BLOC1S3: variants seen among roughly 807,000 people sequenced by gnomAD.
The protein encoded by BLOC1S3 is biogenesis of lysosome-related organelles complex 1 subunit 3.
Under a neutral mutation model 9.1 loss-of-function variants are expected in BLOC1S3, and 7 were observed. The ratio of observed to expected loss-of-function variants is 0.77; its 90% CI spans 0.44 to 1.45. The LOEUF (loss-of-function observed/expected upper bound fraction) is 1.45, where lower values mean the gene tolerates loss of function less well. Ranked by LOEUF, BLOC1S3 falls within the 40% of genes most tolerant of loss-of-function variation. The pLI is 0.01. For synonymous variants in BLOC1S3, 145 were observed against 158.4 expected (o/e 0.92, Z 0.64); for missense variants, 307 against 315.2 (o/e 0.97, Z 0.20).
Position 45,179,313 on chromosome 19 carries a change from G to A in BLOC1S3, c.17G>A (p.Arg6His), listed in dbSNP as rs145609489. MASQG[R>H]RRRPLRRPET... ...TTCGGTGCCATGGCGTCCCAGGGTC[G>A]TCGGCGGAGGCCCCTGCGGAGGCCG... Residue 6 changes from arginine to histidine, a missense_variant, in exon 2 of 2, where the codon CGT becomes CAT. Transcript: ENST00000433642. The surrounding 1 kb of genome is among the most constrained non-coding windows in gnomAD (Gnocchi z 4.6). 8.9e-4 allele frequency: 1,412 copies of A among 1,583,042 alleles called. No individual in the cohort carries two copies. The highest frequency in any genetic ancestry group is 1.1e-3 in the Non-Finnish European group (1,349 of 1,173,324).
At position 45,208,632 on chromosome 19, in the gene BLOC1S3, G is replaced by A. The variant is rs537604818; in HGVS notation, n.282+6125G>A. On this transcript the variant is annotated intron_variant and non_coding_transcript_variant, in intron 3 of 3. Transcript: ENST00000591569. ...TAGCTGGGTGTGGTGGTGGGTGCCT[G>A]TAATCCCAGCTACTTGGGAGGCTGA... 7.2e-5 allele frequency among the ~76,000 whole-genome samples: 11 copies of A among 152,150 alleles called. 1 individual carries two copies. Among genetic ancestry groups the A allele is most frequent in the African/African-American group, 2.4e-4 (10 of 41,548 alleles).
intron 2 of BLOC1S3, among the ~76,000 whole-genome samples, chr19:45,201,978 C>T (rs1488350086): frequency 6.6e-6 from 1 of 152,010 alleles, no homozygotes; most frequent in East Asian, 1.9e-4. Flanking sequence ...AATCCCAGCA[C>T]TTTGGGAGGC....
At chr19:45,197,299 C>G (rs986274480) in intron 2 of BLOC1S3, among the ~76,000 whole-genome samples, 32 of 151,970 alleles carry the variant, frequency 2.1e-4, no homozygotes, top group African/African-American at 7.3e-4. Flanking sequence ...CCAGCCTGGG[C>G]AACATGGCGA....
In BLOC1S3 at chr19:45,215,227, G is replaced by A. The variant is rs551782555; in HGVS notation, n.283-1449G>A. On this transcript the variant is annotated intron_variant and non_coding_transcript_variant, in intron 3 of 3. Coordinates refer to the BLOC1S3 transcript ENST00000591569. ...AACGGTGGCTCACACTTCCCCATTC[G>A]TGGGAAGCCGAGGCAGGCAGATCAC... Among the ~76,000 whole-genome samples the A allele has an allele frequency of 1.2e-4, 18 of 151,968 alleles. No homozygotes were observed. The South Asian group carries it at 3.3e-3, about 28-fold the overall frequency.
At chr19:45,188,982 G>A (rs535189559) in intron 2 of BLOC1S3, among the ~76,000 whole-genome samples, 159 of 151,280 alleles carry the variant, frequency 1.1e-3, no homozygotes, top group Middle Eastern at 3.4e-3. Flanking sequence ...GCTAATTTTT[G>A]TATTTGTAGT....
chr19:45,179,611 G>A lies in BLOC1S3; in HGVS notation c.315G>A (p.Ala105=). ...AGGAGGCCCCGGCGCCCGCCCCCGC[G>A]CGCTCGCTCCTGCAACTTCGGCTGG... ...GTEEAPAPAP[A]RSLLQLRLAE... is the part of the protein sequence containing the mutation. The change falls in exon 2 of 2, where the codon GCG becomes GCA. Residue 105 remains alanine (A), a synonymous_variant. Coordinates refer to ENST00000433642, the MANE Select transcript of BLOC1S3 (RefSeq NM_212550.5). This position sits in a 1 kb window ranked among gnomAD's most constrained non-coding sequence, Gnocchi z 4.6. 6.8e-7 allele frequency: 1 copy of A among 1,473,448 alleles called. No individual in the cohort carries two copies. The highest frequency in any genetic ancestry group is 1.3e-5 in the South Asian group (1 of 77,484). 91.3% of individuals were successfully genotyped at this position (1,473,448 alleles called of 1,614,324 possible). A position where few individuals can be genotyped will look rare whatever the true frequency, so the allele number is the denominator to read the frequency against.
At chr19:45,213,793 T>TA (rs376637056) in intron 3 of BLOC1S3, among the ~76,000 whole-genome samples, 1,591 of 134,584 alleles carry the variant, frequency 0.012, 15 homozygotes, top group African/African-American at 0.035. Context: ...AAAAATACAT[T>TA]AAAAAAAAAA....
At chr19:45,213,138 G>A in intron 3 of BLOC1S3, 1 of 1,582,034 alleles carries the variant, frequency 6.3e-7, no homozygotes, top group Non-Finnish European at 8.6e-7. Context: ...AACTGGGCCT[G>A]GCCAGCCGGG....
chr19:45,213,360 G>C, intron 3 of BLOC1S3: 4 of 1,613,002 alleles, frequency 2.5e-6, no homozygotes, highest in Non-Finnish European at 3.4e-6. Context: ...GCTTCTGCCT[G>C]TGGGGAGAGG....
intron 3 of BLOC1S3, among the ~76,000 whole-genome samples, chr19:45,210,101 G>C (rs1327600654): frequency 2.0e-5 from 3 of 151,948 alleles, no homozygotes; most frequent in Non-Finnish European, 4.4e-5. Flanking sequence ...AGTCACAAAA[G>C]ACTACGTTAT....
At chr19:45,206,743 G>C (rs1969730841) in intron 3 of BLOC1S3, among the ~76,000 whole-genome samples, 1 of 151,592 alleles carries the variant, frequency 6.6e-6, no homozygotes. Context: ...TTATAGGCAT[G>C]AGCCACTATG....
chr19:45,195,587 C>A (rs1193003113), intron 2 of BLOC1S3, among the ~76,000 whole-genome samples: 3 of 144,122 alleles, frequency 2.1e-5, no homozygotes, highest in African/African-American at 7.6e-5. Context: ...CCCTCCCTCT[C>A]TCCCTTCCTC....
At chr19:45,185,274 G>T (rs1969558619), downstream of BLOC1S3, among the ~76,000 whole-genome samples, 1 of 152,334 alleles carries the variant, frequency 6.6e-6, no homozygotes, top group South Asian at 2.1e-4. Context: ...GGCTGAGGCT[G>T]TCTTGGCCAG....
chr19:45,182,962 C>T (rs376777968), downstream of BLOC1S3, among the ~76,000 whole-genome samples: 2 of 151,980 alleles, frequency 1.3e-5, no homozygotes, highest in Non-Finnish European at 2.9e-5. Flanking sequence ...GAGCTGAGCC[C>T]GGAAGGTGGA....
chr19:45,211,930 G>T (rs1160208293), intron 3 of BLOC1S3, among the ~76,000 whole-genome samples: 1 of 152,180 alleles, frequency 6.6e-6, no homozygotes. Context: ...TGGGGACTAG[G>T]ATCCGGCGGG....
intron 3 of BLOC1S3, among the ~76,000 whole-genome samples, chr19:45,204,758 A>T (rs1969715207): frequency 6.6e-6 from 1 of 151,604 alleles, no homozygotes; most frequent in Non-Finnish European, 1.5e-5. Context: ...CCCAGATGGA[A>T]TCTCACTCTG....
chr19:45,216,105 C>A, intron 3 of BLOC1S3: 1 of 1,613,994 alleles, frequency 6.2e-7, no homozygotes, highest in Non-Finnish European at 8.5e-7. Flanking sequence ...CCAACACTCC[C>A]ACCTCCACCT....
rs1346173430 is a variant in BLOC1S3 at position 45,179,673 on chromosome 19, C to T, written c.377C>T (p.Ala126Val). 3 of 1,465,956 alleles carry T rather than the reference C, an allele frequency of 2.0e-6. No individual in the cohort carries two copies. Among genetic ancestry groups the T allele is most frequent in the Non-Finnish European group, 2.7e-6 (3 of 1,114,700 alleles). The allele number at this position is 1,465,956 out of a possible 1,614,324, so 90.8% of individuals were successfully genotyped here. A position where few individuals can be genotyped will look rare whatever the true frequency, so the allele number is the denominator to read the frequency against. ...SQARLDHDVA[A>V]AVSGVYRRAG... Reference sequence around the variant, plus strand: ...GCGCGGCTGGACCACGACGTGGCGGCCGCCGTGAGCGGTGTCTACCGCCGT... The same window carrying T: ...GCGCGGCTGGACCACGACGTGGCGGTCGCCGTGAGCGGTGTCTACCGCCGT... Residue 126 changes from alanine to valine, a missense_variant, in exon 2 of 2, where the codon GCC becomes GTC. Physicochemically the swap from Ala to Val is moderately conservative, Grantham distance 64. Transcript: ENST00000433642. The surrounding 1 kb of genome is among the most constrained non-coding windows in gnomAD (Gnocchi z 4.6).
At position 45,190,733 on chromosome 19, in the gene BLOC1S3, G is replaced by T. The variant is rs1238462608; in HGVS notation, n.180+2993G>T. Among the ~76,000 whole-genome samples the T allele has an allele frequency of 1.4e-4, 20 of 146,862 alleles. No individual in the cohort carries two copies. In the Admixed American group the frequency reaches 1.4e-3, roughly 10 times the overall value. On this transcript the variant is annotated intron_variant and non_coding_transcript_variant, in intron 2 of 3. Transcript: ENST00000591569. Reference sequence around the variant, plus strand: ...CAGCTAATCAATTATCTGTCTGAAAGGTCACGTATCTCTGTCTCTCTATGA... The same window carrying T: ...CAGCTAATCAATTATCTGTCTGAAATGTCACGTATCTCTGTCTCTCTATGA...
Sources: gnomAD v4.1 joint callset for allele counts (sites outside exome capture counted in the v4.1 genomes callset) on GRCh38, gnomAD v4.1.1 for gene constraint, Gnocchi (gnomAD v3.1) non-coding constraint, MANE v1.5 for transcripts, NCBI Gene and HGNC (gene_info 2026-07-23, HGNC 2026-07-21) for gene names.